The following GPM6A variants were observed in gnomAD, a reference collection of about 807,000 sequenced individuals.
The protein encoded by GPM6A is glycoprotein M6A, also known as neuronal membrane glycoprotein M6-a.
Under a neutral mutation model 32.1 loss-of-function variants are expected in GPM6A, and 7 were observed. The observed-to-expected ratio is 0.22, with a 90% CI of 0.12 to 0.41. The LOEUF is 0.41. Ranked by LOEUF, GPM6A falls within the 10% of genes least tolerant of loss-of-function variation. The probability of loss-of-function intolerance (pLI) is 1.00; values close to 1 mark genes in which losing one functional copy is unlikely to be tolerated. For missense variants in GPM6A, 235 were observed against 347.2 expected (o/e 0.68, Z 2.57); for synonymous variants, 130 against 123.4 (o/e 1.05, Z -0.35).
At chr4:175,954,743 T>C (rs1739929447) in intron 1 of GPM6A, among the ~76,000 whole-genome samples, 1 of 152,224 alleles carries the variant, frequency 6.6e-6, no homozygotes, top group Non-Finnish European at 1.5e-5. Flanking sequence ...GCCTCATATC[T>C]GTCTTTTCCA....
At chr4:175,998,661 AC>A (rs904258748) in intron 1 of GPM6A, among the ~76,000 whole-genome samples, 4 of 152,002 alleles carry the variant, frequency 2.6e-5, no homozygotes, top group Non-Finnish European at 4.4e-5. Flanking sequence ...TTTTCACTTG[AC>A]CTATCTCTCA....
chr4:175,855,966 C>T (rs1432904532), intron 1 of GPM6A, among the ~76,000 whole-genome samples: 1 of 152,168 alleles, frequency 6.6e-6, no homozygotes, highest in South Asian at 2.1e-4. Context: ...CTTTTTAATA[C>T]CACTCACCAA....
At chr4:175,663,733 G>T (rs1308052195) in intron 3 of GPM6A, among the ~76,000 whole-genome samples, 1 of 144,022 alleles carries the variant, frequency 6.9e-6, no homozygotes, top group Non-Finnish European at 1.5e-5. Flanking sequence ...TCGCTTTGTC[G>T]CCCAGGCTGG....
intron 4 of GPM6A, among the ~76,000 whole-genome samples, chr4:175,643,329 T>G (rs1305226311): frequency 5.3e-5 from 8 of 152,188 alleles, no homozygotes; most frequent in Admixed American, 3.9e-4. Context: ...ACACCTATAA[T>G]GTTCTGTAAT....
At chr4:175,777,913 C>T (rs750072692) in intron 1 of GPM6A, among the ~76,000 whole-genome samples, 1 of 152,088 alleles carries the variant, frequency 6.6e-6, no homozygotes, top group Non-Finnish European at 1.5e-5. Flanking sequence ...ACATATCAAA[C>T]CATAAAGAAC....
intron 1 of GPM6A, among the ~76,000 whole-genome samples, chr4:175,837,812 T>C (rs1344918178): frequency 6.6e-6 from 1 of 152,208 alleles, no homozygotes; most frequent in Non-Finnish European, 1.5e-5. Flanking sequence ...TCTGCCTTTG[T>C]GGCTAGATTA....
chr4:175,812,155 T>A, intron 1 of GPM6A, 36 bp downstream of exon 1: 1 of 1,445,656 alleles, frequency 6.9e-7, no homozygotes, highest in Non-Finnish European at 9.6e-7. Flanking sequence ...TGCAAAATAA[T>A]TACTTAGTTA....
intron 1 of GPM6A, among the ~76,000 whole-genome samples, chr4:175,880,876 T>C (rs1737251322): frequency 6.6e-6 from 1 of 152,182 alleles, no homozygotes; most frequent in Non-Finnish European, 1.5e-5. Context: ...ATACCCTTTA[T>C]TTCTTTCTCT....
intron 4 of GPM6A, chr4:175,641,577 G>GT (rs1200445434): frequency 6.6e-6 from 1 of 152,182 alleles, no homozygotes; most frequent in Non-Finnish European, 1.5e-5. Flanking sequence ...CTGAACTCTT[G>GT]AAGTGCTAAA....
chr4:175,668,146 T>G (rs1742851649), intron 3 of GPM6A, among the ~76,000 whole-genome samples: 1 of 152,158 alleles, frequency 6.6e-6, no homozygotes, highest in Non-Finnish European at 1.5e-5. Flanking sequence ...AAGAACTTTA[T>G]TTTTTCTTAT....
At chr4:175,851,739 C>T (rs1273404455) in intron 1 of GPM6A, among the ~76,000 whole-genome samples, 2 of 152,138 alleles carry the variant, frequency 1.3e-5, no homozygotes, top group African/African-American at 4.8e-5. Context: ...TTGGCAAGTC[C>T]AGTTCACGCA....
At position 175,974,274 on chromosome 4, in the gene GPM6A, A is replaced by G. The variant is rs75307596; in HGVS notation, c.-23+28035T>C. 5.2e-3 allele frequency among the ~76,000 whole-genome samples: 798 copies of G among 152,302 alleles called. 2 individuals carry two copies. The highest frequency in any genetic ancestry group is 0.018 in the African/African-American group (740 of 41,562). On this transcript the variant is annotated intron_variant, in intron 1 of 7. Transcript: ENST00000280187. ...ATAAAAATAAAAATAAACAGCCTGTATGGTAGATCCTTTGTTCTGTTTTGT... is the reference window on the plus strand; with the variant it reads ...ATAAAAATAAAAATAAACAGCCTGTGTGGTAGATCCTTTGTTCTGTTTTGT...
At chr4:175,709,369 T>A (rs1487214994) in intron 1 of GPM6A, among the ~76,000 whole-genome samples, 1 of 151,772 alleles carries the variant, frequency 6.6e-6, no homozygotes, top group Non-Finnish European at 1.5e-5. Context: ...GTCTTTCTTT[T>A]CTTCCTTTCT....
At chr4:175,766,624 G>T (rs1382580247) in intron 1 of GPM6A, among the ~76,000 whole-genome samples, 2 of 150,304 alleles carry the variant, frequency 1.3e-5, no homozygotes, top group Admixed American at 6.6e-5. Context: ...GTCTAATGAT[G>T]TGTTAGAAGA....
At chr4:175,654,534 T>C (rs972487088) in intron 3 of GPM6A, among the ~76,000 whole-genome samples, 1 of 152,176 alleles carries the variant, frequency 6.6e-6, no homozygotes, top group African/African-American at 2.4e-5. Context: ...TTGTACATAC[T>C]ATGTAATTAT....
rs1037433365 is a variant in GPM6A, at chr4:175,635,043, C to T, written c.699G>A (p.Met233Ile). The T allele has an allele frequency of 2.5e-6, 4 of 1,613,412 alleles. No individual in the cohort carries two copies. In the African/African-American group the frequency reaches 5.3e-5, roughly 22 times the overall value. The change falls in exon 7 of 7, where the codon ATG (methionine) becomes ATA (isoleucine). Residue 233 changes from methionine (M) to isoleucine (I), a missense_variant. Around this residue, in one of 3 missense-constraint regions of GPM6A, gnomAD observed 27 missense variants for 59.4 expected, o/e 0.45. Transcript: ENST00000393658. Reference sequence around the variant, plus strand: ...CATAGGCCCAGTTGGCAGACAGAACCATAAGGTAGTGAACCTAATCAAAGA... The same window carrying T: ...CATAGGCCCAGTTGGCAGACAGAACTATAAGGTAGTGAACCTAATCAAAGA... ...AAVIAMVHYL[M>I]VLSANWAYVK...
intron 6 of GPM6A, among the ~76,000 whole-genome samples, chr4:175,637,576 A>C: frequency 5.2e-5 from 1 of 19,258 alleles, no homozygotes; most frequent in Non-Finnish European, 9.2e-5. Flanking sequence ...ATTATATATT[A>C]TATAAAATAT....
intron 1 of GPM6A, among the ~76,000 whole-genome samples, chr4:175,763,125 A>T (rs1328257485): frequency 1.3e-5 from 2 of 152,230 alleles, no homozygotes; most frequent in Non-Finnish European, 2.9e-5. Flanking sequence ...TTTCATTAAC[A>T]ATAACTACTT....
chr4:175,893,356 G>A (rs1029564231), intron 1 of GPM6A, among the ~76,000 whole-genome samples: 7 of 152,150 alleles, frequency 4.6e-5, no homozygotes, highest in South Asian at 2.1e-4. Context: ...AATGATCAGC[G>A]TTTTTTATTT....
Sources: gnomAD v4.1 joint callset for allele counts (sites outside exome capture counted in the v4.1 genomes callset) on GRCh38, gnomAD v4.1.1 for gene constraint, gnomAD v4.1.1 regional missense constraint, MANE v1.5 for transcripts, NCBI Gene and HGNC (gene_info 2026-07-23, HGNC 2026-07-21) for gene names.